SEL1L2: variants seen among roughly 807,000 people sequenced by gnomAD.
SEL1L2 encodes the protein protein sel-1 homolog 2.
In SEL1L2, 89 loss-of-function variants were observed where a neutral mutation model predicts 98.8. That is an observed-to-expected ratio of 0.90 (90% confidence interval 0.76 to 1.07). The LOEUF is 1.07. Ranked by LOEUF, SEL1L2 falls within the 50% of genes least tolerant of loss-of-function variation. The pLI, the probability that SEL1L2 is intolerant of heterozygous loss-of-function variation, is 0.00. For missense variants in SEL1L2, 788 were observed against 812.0 expected (o/e 0.97, Z 0.36); for synonymous variants, 262 against 278.5 (o/e 0.94, Z 0.59).
intron 10 of SEL1L2, among the ~76,000 whole-genome samples, chr20:13,884,163 G>T (rs1237350401): frequency 6.6e-6 from 1 of 152,162 alleles, no homozygotes; most frequent in African/African-American, 2.4e-5. Context: ...GAAATGCAAA[G>T]TAGTAACAGA....
At chr20:13,874,357 G>A (rs974213236) in intron 12 of SEL1L2, among the ~76,000 whole-genome samples, 3 of 152,192 alleles carry the variant, frequency 2.0e-5, no homozygotes, top group Non-Finnish European at 4.4e-5. Flanking sequence ...CAAGAAGTAT[G>A]TGGCCATCTC....
At chr20:13,980,732 AC>A (rs1259822077) in intron 1 of SEL1L2, among the ~76,000 whole-genome samples, 1 of 152,174 alleles carries the variant, frequency 6.6e-6, no homozygotes, top group Non-Finnish European at 1.5e-5. Context: ...TATGGAAACA[AC>A]CTAAGTGTCC....
intron 2 of SEL1L2, among the ~76,000 whole-genome samples, chr20:13,946,170 AG>A (rs1256032081): frequency 1.3e-5 from 2 of 152,206 alleles, no homozygotes; most frequent in African/African-American, 4.8e-5. Flanking sequence ...ATAAAAAAAA[AG>A]TTATCCAAAT....
At chr20:13,925,734 G>A (rs969922791) in intron 3 of SEL1L2, among the ~76,000 whole-genome samples, 3 of 152,122 alleles carry the variant, frequency 2.0e-5, no homozygotes, top group Middle Eastern at 3.2e-3. Context: ...TAACATTTGA[G>A]GATTTCAGCT....
intron 17 of SEL1L2, among the ~76,000 whole-genome samples, chr20:13,860,213 C>A (rs1488852217): frequency 6.6e-6 from 1 of 152,096 alleles, no homozygotes; most frequent in Non-Finnish European, 1.5e-5. Flanking sequence ...CAAAAATAAA[C>A]CCTCTCTTTA....
At chr20:13,958,367 C>T (rs902147590) in intron 1 of SEL1L2, among the ~76,000 whole-genome samples, 5 of 151,932 alleles carry the variant, frequency 3.3e-5, no homozygotes, top group Admixed American at 6.6e-5. Flanking sequence ...TGGAATTTGC[C>T]GTTTGATATT....
chr20:13,987,969 G>A (rs1279200402), intron 1 of SEL1L2, among the ~76,000 whole-genome samples: 1 of 152,168 alleles, frequency 6.6e-6, no homozygotes, highest in African/African-American at 2.4e-5. Context: ...AAACAGAAGA[G>A]TTTTTAGTTT....
At chr20:13,870,939 A>G (rs1035131036) in intron 12 of SEL1L2, among the ~76,000 whole-genome samples, 3 of 151,756 alleles carry the variant, frequency 2.0e-5, no homozygotes, top group Admixed American at 6.6e-5. Flanking sequence ...AAAAAAAAAA[A>G]AAAAAGAAAT....
intron 1 of SEL1L2, among the ~76,000 whole-genome samples, chr20:13,985,175 G>C (rs1357714154): frequency 6.6e-6 from 1 of 151,930 alleles, no homozygotes; most frequent in Non-Finnish European, 1.5e-5. Flanking sequence ...TTCTATTCAT[G>C]TTCTTCAAGG....
At chr20:13,983,952 A>G (rs925467138) in intron 1 of SEL1L2, among the ~76,000 whole-genome samples, 2 of 152,192 alleles carry the variant, frequency 1.3e-5, no homozygotes, top group African/African-American at 4.8e-5. Context: ...ATCCAGGAAG[A>G]ACTCTATAAT....
intron 4 of SEL1L2, among the ~76,000 whole-genome samples, chr20:13,916,211 C>T (rs1211078473): frequency 6.6e-6 from 1 of 152,070 alleles, no homozygotes; most frequent in Non-Finnish European, 1.5e-5. Flanking sequence ...TGTGGAGGAG[C>T]CAAAAGGATA....
At chr20:13,972,296 T>C (rs927602557) in intron 1 of SEL1L2, among the ~76,000 whole-genome samples, 9 of 152,230 alleles carry the variant, frequency 5.9e-5, no homozygotes, top group Admixed American at 1.3e-4. Context: ...TTTCTTTGTT[T>C]AATGTTCTCC....
chr20:13,983,685 C>T lies in SEL1L2; in HGVS notation c.58+6792G>A, dbSNP rs148621237. Among the ~76,000 whole-genome samples the T allele has an allele frequency of 7.9e-3, 1,205 of 152,082 alleles. 19 individuals carry two copies. Among genetic ancestry groups the T allele is most frequent in the African/African-American group, 0.027 (1,115 of 41,468 alleles). On this transcript the variant is annotated intron_variant, in intron 1 of 19. Transcript: ENST00000284951. Reference sequence around the variant, plus strand: ...TACAGGCATGCACCACCACGCCCAGCTAATTTTGTATTTTTAGTAGAGACG... The same window carrying T: ...TACAGGCATGCACCACCACGCCCAGTTAATTTTGTATTTTTAGTAGAGACG...
intron 1 of SEL1L2, among the ~76,000 whole-genome samples, chr20:13,958,974 G>A (rs907969640): frequency 1.3e-5 from 2 of 151,380 alleles, no homozygotes; most frequent in African/African-American, 4.9e-5. Context: ...TGAAGATGAG[G>A]AGCATAGTGG....
intron 17 of SEL1L2, among the ~76,000 whole-genome samples, chr20:13,863,743 A>T (rs1990540819): frequency 6.6e-6 from 1 of 152,126 alleles, no homozygotes; most frequent in South Asian, 2.1e-4. Context: ...AAGCCGAGGC[A>T]GGCAGATCAC....
chr20:13,877,026 T>C (rs1466444071), intron 11 of SEL1L2, among the ~76,000 whole-genome samples: 1 of 152,118 alleles, frequency 6.6e-6, no homozygotes, highest in Admixed American at 6.5e-5. Context: ...GGTTTCACCA[T>C]GTTGGCCAGG....
chr20:13,982,567 C>A (rs1462888848), intron 1 of SEL1L2, among the ~76,000 whole-genome samples: 51 of 92,998 alleles, frequency 5.5e-4, no homozygotes, highest in South Asian at 1.4e-3. Flanking sequence ...TCATTGTAAA[C>A]AAAAAATTAA....
At chr20:13,929,105 C>T (rs1268501143) in intron 3 of SEL1L2, among the ~76,000 whole-genome samples, 1 of 152,098 alleles carries the variant, frequency 6.6e-6, no homozygotes, top group African/African-American at 2.4e-5. Context: ...AAAAAAATTC[C>T]GCCTGTGGAT....
chr20:13,933,336 G>A (rs2148324874), intron 2 of SEL1L2, among the ~76,000 whole-genome samples: 1 of 152,140 alleles, frequency 6.6e-6, no homozygotes, highest in South Asian at 2.1e-4. Context: ...ACAGACATGT[G>A]CAACCATTAC....
Sources: allele counts gnomAD v4.1 joint callset (sites outside exome capture counted in the v4.1 genomes callset), GRCh38; gene constraint gnomAD v4.1.1; transcripts MANE v1.5; gene names NCBI Gene and HGNC (gene_info 2026-07-23, HGNC 2026-07-21).